The following WWOX variants were observed in gnomAD, a reference collection of about 807,000 sequenced individuals.
WWOX encodes the protein WW domain containing oxidoreductase, also known as WW domain-containing oxidoreductase.
Under a neutral mutation model 46.2 loss-of-function variants are expected in WWOX, and 69 were observed. The ratio of observed to expected loss-of-function variants is 1.49; its 90% CI spans 1.23 to 1.82. WWOX has a LOEUF of 1.82. Among genes scored for constraint, WWOX ranks in the 40% most tolerant of loss-of-function variants. The pLI is 0.00. For synonymous variants in WWOX, 359 were observed against 202.6 expected (o/e 1.77, Z -6.56); for missense variants, 919 against 542.6 (o/e 1.69, Z -6.89).
intron 5 of WWOX, among the ~76,000 whole-genome samples, chr16:78,322,844 C>G (rs1437368744): frequency 6.6e-6 from 1 of 152,148 alleles, no homozygotes; most frequent in Non-Finnish European, 1.5e-5. Flanking sequence ...GGGAGTGTTT[C>G]AATTAAAATT....
intron 8 of WWOX, among the ~76,000 whole-genome samples, chr16:78,844,998 G>C (rs560844779): frequency 1.9e-4 from 29 of 152,190 alleles, no homozygotes; most frequent in Admixed American, 3.3e-4. Context: ...CTGAAAGGCT[G>C]TCTCCAACCA....
chr16:78,888,044 C>T (rs764854700), intron 8 of WWOX, among the ~76,000 whole-genome samples: 41 of 152,120 alleles, frequency 2.7e-4, no homozygotes, highest in African/African-American at 9.4e-4. Context: ...AACTGTATGG[C>T]GATCCTTCAA....
chr16:78,540,344 G>C (rs901086613), intron 8 of WWOX, among the ~76,000 whole-genome samples: 1 of 151,952 alleles, frequency 6.6e-6, no homozygotes, highest in Admixed American at 6.6e-5. Flanking sequence ...CTGAGCTTTG[G>C]TTCTACACAT....
chr16:78,996,161 T>A (rs1219333921), intron 8 of WWOX: 3 of 967,504 alleles, frequency 3.1e-6, no homozygotes, highest in Non-Finnish European at 2.5e-6. Context: ...ATTTTTTTTT[T>A]AACGAAACTC....
At chr16:78,816,633 A>C (rs986441290) in intron 8 of WWOX, among the ~76,000 whole-genome samples, 1 of 148,722 alleles carries the variant, frequency 6.7e-6, no homozygotes, top group African/African-American at 2.5e-5. Flanking sequence ...ATACAGATGT[A>C]GCTGTGTCAC....
chr16:79,211,906 T>TAAAGG lies in WWOX; in HGVS notation c.*114_*118dup. The TAAAGG allele has an allele frequency of 3.9e-6, 6 of 1,551,708 alleles. No individual in the cohort carries two copies. Among genetic ancestry groups the TAAAGG allele is most frequent in the Non-Finnish European group, 5.2e-6 (6 of 1,152,678 alleles). ...TCCCTCCAACACAGATCCGCAAGAG[T>TAAAGG]AAAGGAAATAAGAGCAGTCACAACA... On this transcript the variant is annotated 3_prime_UTR_variant, in exon 9 of 9. Coordinates refer to ENST00000566780, the MANE Select transcript of WWOX (RefSeq NM_016373.4).
At chr16:78,911,834 C>G (rs572724693) in intron 8 of WWOX, among the ~76,000 whole-genome samples, 1 of 152,140 alleles carries the variant, frequency 6.6e-6, no homozygotes, top group South Asian at 2.1e-4. Context: ...CTGATGCATT[C>G]CAGCCTGGGT....
chr16:78,855,676 A>C (rs761728228), intron 8 of WWOX, among the ~76,000 whole-genome samples: 15 of 152,194 alleles, frequency 9.9e-5, no homozygotes, highest in Admixed American at 3.3e-4. Context: ...TATAGACTTA[A>C]TCATTTTCAA....
At chr16:79,186,251 C>G (rs1216768506) in intron 8 of WWOX, among the ~76,000 whole-genome samples, 1 of 152,190 alleles carries the variant, frequency 6.6e-6, no homozygotes. Flanking sequence ...ACAAACTGCA[C>G]AGCCTAGAGG....
chr16:78,860,334 C>T (rs1260714703), intron 8 of WWOX, among the ~76,000 whole-genome samples: 1 of 152,132 alleles, frequency 6.6e-6, no homozygotes, highest in Non-Finnish European at 1.5e-5. Flanking sequence ...GAAGAATTCC[C>T]ACACTTGGCC....
At chr16:78,764,020 G>A (rs1341564584) in intron 8 of WWOX, among the ~76,000 whole-genome samples, 1 of 152,168 alleles carries the variant, frequency 6.6e-6, no homozygotes, top group Non-Finnish European at 1.5e-5. Flanking sequence ...GATCATGCTT[G>A]GAGTGGCACC....
intron 8 of WWOX, among the ~76,000 whole-genome samples, chr16:78,597,608 A>G (rs953273019): frequency 1.3e-5 from 2 of 152,118 alleles, no homozygotes; most frequent in Non-Finnish European, 2.9e-5. Flanking sequence ...AATTAACCTC[A>G]TTAAGTTTAA....
chr16:78,871,069 C>T (rs1293819816), intron 8 of WWOX, among the ~76,000 whole-genome samples: 1 of 152,126 alleles, frequency 6.6e-6, no homozygotes, highest in African/African-American at 2.4e-5. Flanking sequence ...AAATTATCCC[C>T]TATAGCTCAT....
At chr16:78,578,254 T>TTATATATATATATATATATATATA (rs1194130355) in intron 8 of WWOX, among the ~76,000 whole-genome samples, 8 of 31,644 alleles carry the variant, frequency 2.5e-4, no homozygotes, top group East Asian at 1.1e-3. Context: ...ATACCAAATT[T>TTATATATATATATATATATATATA]TATATATATA....
chr16:78,848,218 C>T (rs965463073), intron 8 of WWOX, among the ~76,000 whole-genome samples: 4 of 152,130 alleles, frequency 2.6e-5, no homozygotes, highest in Non-Finnish European at 2.9e-5. Context: ...AGTTGACATA[C>T]GGAAAACAAG....
intron 4 of WWOX, among the ~76,000 whole-genome samples, chr16:78,143,377 T>C (rs1488423554): frequency 6.6e-6 from 1 of 152,198 alleles, no homozygotes. Flanking sequence ...CAGGTCAGTT[T>C]AGAACCGAAT....
At chr16:78,612,387 G>C (rs926934454) in intron 8 of WWOX, among the ~76,000 whole-genome samples, 3 of 152,238 alleles carry the variant, frequency 2.0e-5, no homozygotes, top group Non-Finnish European at 4.4e-5. Flanking sequence ...TCTTACGGCA[G>C]GCAGCGTGGC....
intron 8 of WWOX, among the ~76,000 whole-genome samples, chr16:78,795,722 C>G (rs2050719211): frequency 6.6e-6 from 1 of 152,090 alleles, no homozygotes; most frequent in African/African-American, 2.4e-5. Flanking sequence ...GTGGGCAAGT[C>G]TCATATTTCT....
rs554085110 is a variant in WWOX, at chr16:78,802,033, G to A, written c.1056+369281G>A. ...CTATCCCAGAGGCTGGTGTACCATG[G>A]TGGCTTCTCCTGGCTCTGCTGGTTA... On this transcript the variant is annotated intron_variant, in intron 8 of 8. Transcript: ENST00000566780. 7.9e-5 allele frequency among the ~76,000 whole-genome samples: 12 copies of A among 152,174 alleles called. No individual in the cohort carries two copies. In the South Asian group the frequency reaches 2.3e-3, roughly 29 times the overall value.
Sources: allele counts gnomAD v4.1 joint callset (sites outside exome capture counted in the v4.1 genomes callset), GRCh38; gene constraint gnomAD v4.1.1; transcripts MANE v1.5; gene names NCBI Gene and HGNC (gene_info 2026-07-23, HGNC 2026-07-21).